The following EFHC2 variants were observed in gnomAD, a reference collection of about 807,000 sequenced individuals.
The protein encoded by EFHC2 is EF-hand domain-containing family member C2.
In EFHC2, 18 loss-of-function variants were observed where a neutral mutation model predicts 52.7. The observed-to-expected ratio is 0.34, with a 90% CI of 0.24 to 0.51. EFHC2 has a LOEUF of 0.51. EFHC2 is among the 20% of genes least tolerant of loss of function. The probability of loss-of-function intolerance (pLI) is 0.97; values close to 1 mark genes in which losing one functional copy is unlikely to be tolerated. For missense variants in EFHC2, 513 were observed against 562.5 expected, an observed-to-expected ratio of 0.91 and a Z score of 0.89; for synonymous variants, 203 against 204.1, an observed-to-expected ratio of 0.99 and a Z score of 0.04.
chrX:44,194,571 T>C (rs1055869108), intron 11 of EFHC2, among the ~76,000 whole-genome samples: 5 of 112,321 alleles, frequency 4.5e-5, no homozygotes, highest in African/African-American at 1.3e-4. Context: ...ATCCATATGC[T>C]GATAGCTTCA....
chrX:44,235,901 A>G (rs2037316475), intron 8 of EFHC2, among the ~76,000 whole-genome samples: 1 of 112,022 alleles, frequency 8.9e-6, no homozygotes, highest in Admixed American at 9.5e-5. Context: ...TCTGTCTTCC[A>G]GCCCACATCC....
At chrX:44,264,944 A>G (rs1420133388) in intron 3 of EFHC2, among the ~76,000 whole-genome samples, 5 of 111,625 alleles carry the variant, frequency 4.5e-5, no homozygotes, top group Admixed American at 9.5e-5. Flanking sequence ...CTAAAGCACC[A>G]TATTTGCCCT....
rs2038165967 is a variant in EFHC2 at position 44,343,582 on chromosome X, G to A, written c.7C>T (p.Leu3=). Residue 3 remains leucine (L), a synonymous_variant, in exon 1 of 15, where the codon CTG becomes TTG. Transcript: ENST00000420999. MA[L]PLLPGNSFNR... ...AAGCTGTTGCCCGGCAGCAGAGGCA[G>A]GGCCATGGCGCTCAGTGTCCGAAAA... 2 of 1,193,962 alleles carry A rather than the reference G, an allele frequency of 1.7e-6. No homozygotes were observed. The highest frequency in any genetic ancestry group is 3.0e-5 in the East Asian group (1 of 32,890).
chrX:44,229,566 C>G, intron 11 of EFHC2, 83 bp downstream of exon 11: 1 of 1,113,297 alleles, frequency 9.0e-7, no homozygotes, highest in Non-Finnish European at 1.2e-6. Flanking sequence ...AAATAGTTAA[C>G]TGATTAGGAA....
chrX:44,188,497 A>C (rs2036894825), intron 11 of EFHC2, among the ~76,000 whole-genome samples: 1 of 111,549 alleles, frequency 9.0e-6, no homozygotes, highest in Admixed American at 9.6e-5. Context: ...CAAATGATGG[A>C]GAATAATAGA....
intron 14 of EFHC2, among the ~76,000 whole-genome samples, chrX:44,162,773 C>G (rs1399897038): frequency 3.6e-5 from 4 of 110,487 alleles, no homozygotes; most frequent in Admixed American, 2.9e-4. Flanking sequence ...TGTTCCCCCC[C>G]AGTCTGTTTA....
chrX:44,243,735 C>A (rs2037378410), intron 7 of EFHC2, among the ~76,000 whole-genome samples: 1 of 111,882 alleles, frequency 8.9e-6, no homozygotes, highest in African/African-American at 3.3e-5. Context: ...AGGGGGGAGC[C>A]AGTGTGCCAG....
intron 7 of EFHC2, among the ~76,000 whole-genome samples, chrX:44,245,515 G>A (rs769227895): frequency 1.3e-4 from 15 of 111,976 alleles, no homozygotes; most frequent in Non-Finnish European, 2.3e-4. Flanking sequence ...CTGCCGGACC[G>A]TGTTCATTCA....
chrX:44,304,929 G>C (rs897204490), intron 2 of EFHC2, among the ~76,000 whole-genome samples: 31 of 109,993 alleles, frequency 2.8e-4, no homozygotes, highest in African/African-American at 9.6e-4. Context: ...AGCACCTCCT[G>C]GTCAGGGCTG....
chrX:44,301,637 C>T (rs528889610), intron 2 of EFHC2, among the ~76,000 whole-genome samples: 82 of 112,038 alleles, frequency 7.3e-4, no homozygotes, highest in East Asian at 1.1e-3. Context: ...ATCATCACCA[C>T]AATCCAGTTT....
intron 11 of EFHC2, among the ~76,000 whole-genome samples, chrX:44,199,165 AT>A (rs1406178580): frequency 8.9e-6 from 1 of 112,847 alleles, no homozygotes; most frequent in African/African-American, 3.2e-5. Context: ...GCTCAGCGCC[AT>A]CCCCTCAGTG....
chrX:44,336,180 A>G (rs1226343250), intron 1 of EFHC2, among the ~76,000 whole-genome samples: 2 of 110,840 alleles, frequency 1.8e-5, no homozygotes, highest in Non-Finnish European at 3.8e-5. Context: ...TGAGGTCAGG[A>G]GTTCAAGACC....
chrX:44,297,231 G>A (rs1446633362), intron 2 of EFHC2, among the ~76,000 whole-genome samples: 2 of 111,472 alleles, frequency 1.8e-5, no homozygotes, highest in East Asian at 5.6e-4. Context: ...CTAAACCTCA[G>A]TCTAACTGAA....
At chrX:44,214,269 A>C (rs1356065866) in intron 11 of EFHC2, among the ~76,000 whole-genome samples, 1 of 112,343 alleles carries the variant, frequency 8.9e-6, no homozygotes, top group Admixed American at 9.4e-5. Context: ...TGCCGAAAAC[A>C]AAACAAACCA....
intron 11 of EFHC2, among the ~76,000 whole-genome samples, chrX:44,229,337 G>C (rs2037257379): frequency 1.8e-5 from 2 of 111,521 alleles, no homozygotes; most frequent in African/African-American, 6.5e-5. Flanking sequence ...GCTTTTTTCT[G>C]TCTTTCTCAC....
At chrX:44,283,011 G>C (rs1331878933) in intron 2 of EFHC2, among the ~76,000 whole-genome samples, 1 of 110,863 alleles carries the variant, frequency 9.0e-6, no homozygotes, top group Non-Finnish European at 1.9e-5. Flanking sequence ...GGCTTCTACA[G>C]TATGTTCTGC....
chrX:44,148,533 T>C lies in EFHC2; in HGVS notation c.*262A>G, dbSNP rs2036542037. ...TGTTGGATCAAAAATTATCAGAAGA[T>C]TTTTTGGTATTAATAAACCATACAT... On this transcript the variant is annotated 3_prime_UTR_variant, in exon 15 of 15. Coordinates refer to ENST00000420999, the MANE Select transcript of EFHC2 (RefSeq NM_025184.4). The C allele has an allele frequency of 4.0e-6, 1 of 251,365 alleles. No individual in the cohort carries two copies. Among genetic ancestry groups the C allele is most frequent in the African/African-American group, 2.9e-5 (1 of 34,372 alleles). The allele number at this position is 251,365 out of a possible 1,213,427, so 20.7% of individuals were successfully genotyped here.
At chrX:44,176,998 A>C (rs949935167) in intron 12 of EFHC2, among the ~76,000 whole-genome samples, 1 of 112,622 alleles carries the variant, frequency 8.9e-6, no homozygotes, top group Non-Finnish European at 1.9e-5. Context: ...GCAAAATTAG[A>C]ACCAACAGGA....
Position 44,197,513 on chromosome X carries a change from C to T in EFHC2, c.1752-18949G>A, listed in dbSNP as rs559676015. Among the ~76,000 whole-genome samples, 6 of 111,211 alleles carry T rather than the reference C, an allele frequency of 5.4e-5. No individual in the cohort carries two copies. In the South Asian group the frequency reaches 1.9e-3, roughly 35 times the overall value. On this transcript the variant is annotated intron_variant, in intron 11 of 14. Coordinates refer to ENST00000420999, the MANE Select transcript of EFHC2 (RefSeq NM_025184.4). ...GAAACTGGACAGCAAAGGAGAGACC[C>T]CTCCAAAATGGTGTGGGAAGAGAGT...
Sources: allele counts gnomAD v4.1 joint callset (sites outside exome capture counted in the v4.1 genomes callset), GRCh38; gene constraint gnomAD v4.1.1; transcripts MANE v1.5; gene names NCBI Gene and HGNC (gene_info 2026-07-23, HGNC 2026-07-21).